DMD: variants seen among roughly 807,000 people sequenced by gnomAD.
DMD encodes the protein dystrophin, also known as mutant dystrophin.
Under a neutral mutation model 330.1 loss-of-function variants are expected in DMD, and 63 were observed. The observed-to-expected ratio is 0.19, with a 90% CI of 0.16 to 0.24. DMD has a LOEUF of 0.24. Among genes scored for constraint, DMD ranks in the 10% least tolerant of loss-of-function variants. The pLI, the probability that DMD is intolerant of heterozygous loss-of-function variation, is 1.00. For missense variants in DMD, 3,344 were observed against 2,684.1 expected (o/e 1.25, Z -5.43); for synonymous variants, 1,223 against 959.8 (o/e 1.27, Z -5.07).
chrX:31,146,778 T>C (rs1048588462), intron 75 of DMD, among the ~76,000 whole-genome samples: 1 of 112,145 alleles, frequency 8.9e-6, no homozygotes, highest in Admixed American at 9.4e-5. Context: ...AGTAACAAGA[T>C]AGAGAGAACA....
intron 57 of DMD, among the ~76,000 whole-genome samples, chrX:31,488,178 C>A (rs1457335197): frequency 1.8e-5 from 2 of 111,883 alleles, no homozygotes; most frequent in Admixed American, 1.9e-4. Context: ...GGGGAAGTTA[C>A]TTCCTACTGA....
intron 33 of DMD, 150 bp downstream of exon 33, chrX:32,386,160 A>ATG (rs1297938157): frequency 9.1e-6 from 5 of 546,527 alleles, no homozygotes; most frequent in African/African-American, 7.0e-5. Context: ...ATATACGTAT[A>ATG]TGTGTGTATA....
chrX:31,728,082 G>T (rs2086199565), intron 52 of DMD, among the ~76,000 whole-genome samples: 1 of 112,459 alleles, frequency 8.9e-6, no homozygotes, highest in Non-Finnish European at 1.9e-5. Context: ...GAGTGCAGTG[G>T]CGCAATCTCG....
At chrX:32,693,530 C>A (rs1035230326) in intron 9 of DMD, among the ~76,000 whole-genome samples, 1 of 111,760 alleles carries the variant, frequency 8.9e-6, no homozygotes, top group Non-Finnish European at 1.9e-5. Context: ...ACCTCCACCT[C>A]CTGGCTTCAA....
rs760532295 is a variant in DMD, at chrX:31,695,524, C to A, written c.7661-15938G>T. On this transcript the variant is annotated intron_variant, in intron 52 of 78. Coordinates refer to ENST00000357033, the MANE Select transcript of DMD (RefSeq NM_004006.3). ...ACATTACATGCCTATATCAAAACAC[C>A]TCATGTACCCCGTAAATATATATAC... 9.1e-5 allele frequency among the ~76,000 whole-genome samples: 10 copies of A among 109,723 alleles called. No individual in the cohort carries two copies. The East Asian group carries it at 2.6e-3, about 28-fold the overall frequency.
intron 2 of DMD, among the ~76,000 whole-genome samples, chrX:32,917,165 C>T (rs757405521): frequency 2.0e-5 from 2 of 99,736 alleles, no homozygotes; most frequent in African/African-American, 7.4e-5. Flanking sequence ...CACTTCCCCC[C>T]CCCCCACATC....
Position 32,735,699 on chromosome X carries a change from A to C in DMD, c.650-36406T>G, listed in dbSNP as rs1048964581. On this transcript the variant is annotated intron_variant, in intron 7 of 78. Transcript: ENST00000357033. ...CCTATTTAATAAATGGTGCTAGGAAAACTGGCTAGCCATATGTAGAAAGCT... is the reference window on the plus strand; with the variant it reads ...CCTATTTAATAAATGGTGCTAGGAACACTGGCTAGCCATATGTAGAAAGCT... Among the ~76,000 whole-genome samples the C allele has an allele frequency of 1.7e-4, 19 of 112,036 alleles. No individual in the cohort carries two copies. The Admixed American group carries it at 1.7e-3, about 10-fold the overall frequency.
At chrX:32,097,192 C>G (rs906938589) in intron 44 of DMD, among the ~76,000 whole-genome samples, 1 of 110,780 alleles carries the variant, frequency 9.0e-6, no homozygotes, top group African/African-American at 3.3e-5. Flanking sequence ...ATGAACCCGT[C>G]ATTTAGGTTT....
rs1482021875 is a variant in DMD, at chrX:32,132,445, C to T, written c.6438+84471G>A. On this transcript the variant is annotated intron_variant, in intron 44 of 78. Coordinates refer to ENST00000357033, the MANE Select transcript of DMD (RefSeq NM_004006.3). Reference sequence around the variant, plus strand: ...ATTTGGTGAAATGAGGATAATGAGGCACAAGGAGGTTAATGATAGATTTGA... The same window carrying T: ...ATTTGGTGAAATGAGGATAATGAGGTACAAGGAGGTTAATGATAGATTTGA... Among the ~76,000 whole-genome samples, 4 of 111,597 alleles carry T rather than the reference C, an allele frequency of 3.6e-5. No homozygotes were observed. The South Asian group carries it at 1.1e-3, about 32-fold the overall frequency.
At chrX:31,128,163 T>C (rs1243051792) in intron 77 of DMD, among the ~76,000 whole-genome samples, 3 of 111,525 alleles carry the variant, frequency 2.7e-5, no homozygotes, top group African/African-American at 9.8e-5. Flanking sequence ...TTAGCAAGGT[T>C]TTTTTAAAAA....
chrX:33,313,326 G>A (rs1396832123), intron 1 of DMD, among the ~76,000 whole-genome samples: 1 of 111,490 alleles, frequency 9.0e-6, no homozygotes, highest in Non-Finnish European at 1.9e-5. Context: ...ATTTGGTTAT[G>A]GTGTTTGTAC....
chrX:32,831,844 G>T (rs1006699381), intron 4 of DMD, among the ~76,000 whole-genome samples: 1 of 110,558 alleles, frequency 9.0e-6, no homozygotes, highest in African/African-American at 3.3e-5. Context: ...AAGCATTTGC[G>T]GTTTTAACTT....
intron 9 of DMD, among the ~76,000 whole-genome samples, chrX:32,683,996 AACAC>A (rs751597257): frequency 8.0e-5 from 8 of 100,536 alleles, no homozygotes; most frequent in South Asian, 4.4e-4. Context: ...GCACATACAA[AACAC>A]ACACACACAC....
At chrX:32,423,371 C>T (rs2098198412) in intron 29 of DMD, among the ~76,000 whole-genome samples, 1 of 109,301 alleles carries the variant, frequency 9.1e-6, no homozygotes, top group Non-Finnish European at 1.9e-5. Flanking sequence ...TATTAATGCC[C>T]TCCAAGAGCA....
In DMD at chrX:32,374,505, T is replaced by C. The variant is rs1368715657; in HGVS notation, c.4845+6005A>G. On this transcript the variant is annotated intron_variant, in intron 34 of 78. Coordinates refer to ENST00000357033, the MANE Select transcript of DMD (RefSeq NM_004006.3). ...ATATGGTGAAAGGTAGGGGTCCAGGTTCATTCCTCTATATATGGCTAGCCA... is the reference window on the plus strand; with the variant it reads ...ATATGGTGAAAGGTAGGGGTCCAGGCTCATTCCTCTATATATGGCTAGCCA... 5.4e-5 allele frequency among the ~76,000 whole-genome samples: 6 copies of C among 111,639 alleles called. No homozygotes were observed. The East Asian group carries it at 1.7e-3, about 31-fold the overall frequency.
intron 63 of DMD, among the ~76,000 whole-genome samples, chrX:31,235,254 G>T (rs1237487201): frequency 1.8e-5 from 2 of 111,649 alleles, no homozygotes; most frequent in Admixed American, 9.5e-5. Context: ...AACCGCAAAG[G>T]TAGTTTCCAA....
At chrX:31,573,934 A>G (rs2075956903) in intron 55 of DMD, among the ~76,000 whole-genome samples, 1 of 110,924 alleles carries the variant, frequency 9.0e-6, no homozygotes, top group African/African-American at 3.3e-5. Context: ...AGTGCTTTAT[A>G]TAAGTTTTCT....
intron 1 of DMD, among the ~76,000 whole-genome samples, chrX:33,117,076 A>ATG (rs936639818): frequency 4.5e-5 from 5 of 109,977 alleles, no homozygotes; most frequent in African/African-American, 1.7e-4. Context: ...ATATATATAT[A>ATG]TATTTTTTAA....
In DMD at chrX:31,796,249, A is replaced by G. The variant is rs1359820308; in HGVS notation, c.7310-22057T>C. On this transcript the variant is annotated intron_variant, in intron 50 of 78. Transcript: ENST00000357033. ...GTAGAAGATGCTATCTGAATGAATG[A>G]GAAAACAAAATTGCAGTGCTAAATA... 5.3e-5 allele frequency among the ~76,000 whole-genome samples: 6 copies of G among 112,591 alleles called. No individual in the cohort carries two copies. In the East Asian group the frequency reaches 1.7e-3, roughly 31 times the overall value.
Sources: allele counts gnomAD v4.1 joint callset (sites outside exome capture counted in the v4.1 genomes callset), GRCh38; gene constraint gnomAD v4.1.1; transcripts MANE v1.5; gene names NCBI Gene and HGNC (gene_info 2026-07-23, HGNC 2026-07-21).